Variants in LHFPL2 observed in about 807,000 individuals in gnomAD.
LHFPL2 encodes the protein LHFPL tetraspan subfamily member 2 protein.
LHFPL2 carries 7 observed loss-of-function variants against 17.5 expected under a neutral mutation model. That is an observed-to-expected ratio of 0.40 (90% confidence interval 0.23 to 0.75). The LOEUF (loss-of-function observed/expected upper bound fraction) is 0.75. LHFPL2 is among the 30% of genes least tolerant of loss of function. The pLI is 0.37. For synonymous variants in LHFPL2, 134 were observed against 116.2 expected (o/e 1.15, Z -0.99); for missense variants, 241 against 294.8 (o/e 0.82, Z 1.34).
At chr5:78,560,126 A>G (rs1404517249) in intron 3 of LHFPL2, among the ~76,000 whole-genome samples, 1 of 152,230 alleles carries the variant, frequency 6.6e-6, no homozygotes, top group East Asian at 1.9e-4. Context: ...GACAGAGAAT[A>G]GCTATCCTCA....
intron 1 of LHFPL2, among the ~76,000 whole-genome samples, chr5:78,635,699 A>C (rs1338662186): frequency 6.6e-6 from 1 of 152,200 alleles, no homozygotes; most frequent in Non-Finnish European, 1.5e-5. Flanking sequence ...GCTACTTGGG[A>C]GGCTGAGGCA....
At position 78,621,037 on chromosome 5, in the gene LHFPL2, G is replaced by A. The variant is rs545178308; in HGVS notation, c.-245+11227C>T. Among the ~76,000 whole-genome samples the A allele has an allele frequency of 2.7e-5, 4 of 149,600 alleles. No individual in the cohort carries two copies. The South Asian group carries it at 6.4e-4, about 24-fold the overall frequency. On this transcript the variant is annotated intron_variant, in intron 2 of 4. Transcript: ENST00000380345. ...GGCTGGAGTGTAGTGGCTCGATCTCGGCTCACTGCAACCTCTGCCTCCCAG... is the reference window on the plus strand; with the variant it reads ...GGCTGGAGTGTAGTGGCTCGATCTCAGCTCACTGCAACCTCTGCCTCCCAG...
At chr5:78,645,293 C>T (rs963497305) in intron 1 of LHFPL2, among the ~76,000 whole-genome samples, 1 of 151,464 alleles carries the variant, frequency 6.6e-6, no homozygotes, top group Non-Finnish European at 1.5e-5. Flanking sequence ...GAGTAGAGGC[C>T]TACTCTTGGT....
chr5:78,514,048 T>C (rs1001211371), intron 3 of LHFPL2, among the ~76,000 whole-genome samples: 1 of 152,154 alleles, frequency 6.6e-6, no homozygotes, highest in Non-Finnish European at 1.5e-5. Context: ...GACATCTGTA[T>C]CAAAGGGGAA....
At chr5:78,608,400 G>A (rs1365377749) in intron 2 of LHFPL2, among the ~76,000 whole-genome samples, 3 of 152,026 alleles carry the variant, frequency 2.0e-5, no homozygotes, top group African/African-American at 7.2e-5. Flanking sequence ...ACTAATAAAG[G>A]GCACTGTTTT....
At chr5:78,530,328 C>T (rs1419683458) in intron 3 of LHFPL2, among the ~76,000 whole-genome samples, 2 of 152,170 alleles carry the variant, frequency 1.3e-5, no homozygotes, top group African/African-American at 2.4e-5. Flanking sequence ...TTTGGTTTCA[C>T]ATATACATGT....
chr5:78,579,527 G>A (rs1290902979), intron 2 of LHFPL2, among the ~76,000 whole-genome samples: 2 of 151,720 alleles, frequency 1.3e-5, no homozygotes, highest in East Asian at 1.9e-4. Flanking sequence ...AGAGTGTGAT[G>A]TTCCCCTTCC....
At chr5:78,627,017 G>A (rs1745064849) in intron 2 of LHFPL2, among the ~76,000 whole-genome samples, 2 of 152,004 alleles carry the variant, frequency 1.3e-5, no homozygotes, top group African/African-American at 2.4e-5. Flanking sequence ...GGAGGCAGAG[G>A]TTGCAGTGAG....
At chr5:78,562,604 C>T (rs1808053) in intron 3 of LHFPL2, among the ~76,000 whole-genome samples, 50,652 of 146,922 alleles carry the variant, frequency 0.34, 10,295 homozygotes, top group Middle Eastern at 0.48. Context: ...CACTGCACTC[C>T]AGCCTGAGTG....
rs1754241440 is a variant in LHFPL2 at position 78,486,386 on chromosome 5, ATT to A, written c.*2509_*2510del. 1 of 152,196 alleles carries A rather than the reference ATT, an allele frequency of 6.6e-6. No homozygotes were observed. The highest frequency in any genetic ancestry group is 2.4e-5 in the African/African-American group (1 of 41,440). The allele number at this position is 152,196 out of a possible 1,614,324, so 9.4% of individuals were successfully genotyped here. ...CTTTCCTGGTAGTAATAATGGTCCT[ATT>A]TATTAGAAAAATAAGTGTGAGCCAA... On this transcript the variant is annotated 3_prime_UTR_variant, in exon 5 of 5. Coordinates refer to ENST00000380345, the MANE Select transcript of LHFPL2 (RefSeq NM_005779.3).
At chr5:78,554,158 T>C (rs992314807) in intron 3 of LHFPL2, among the ~76,000 whole-genome samples, 2 of 152,266 alleles carry the variant, frequency 1.3e-5, no homozygotes, top group Non-Finnish European at 2.9e-5. Flanking sequence ...TGTCTATCAG[T>C]GTTGAAAACT....
At chr5:78,599,623 A>G (rs1214781865) in intron 2 of LHFPL2, among the ~76,000 whole-genome samples, 1 of 151,974 alleles carries the variant, frequency 6.6e-6, no homozygotes, top group South Asian at 2.1e-4. Flanking sequence ...TCTACCAGGT[A>G]GAGCATTATT....
At chr5:78,516,502 A>T (rs1183058434) in intron 3 of LHFPL2, among the ~76,000 whole-genome samples, 1 of 152,110 alleles carries the variant, frequency 6.6e-6, no homozygotes, top group Non-Finnish European at 1.5e-5. Context: ...GCGCTGTCAA[A>T]CAAAAATTAC....
intron 2 of LHFPL2, among the ~76,000 whole-genome samples, chr5:78,580,983 A>G (rs2112442610): frequency 1.3e-5 from 2 of 152,292 alleles, no homozygotes; most frequent in African/African-American, 2.4e-5. Context: ...CCGTGAGCAT[A>G]GAATGTTCTT....
At chr5:78,516,692 T>C (rs1004060975) in intron 3 of LHFPL2, among the ~76,000 whole-genome samples, 6 of 152,180 alleles carry the variant, frequency 3.9e-5, no homozygotes, top group African/African-American at 1.4e-4. Flanking sequence ...AAATTAAATA[T>C]ATTTTTAGTT....
intron 4 of LHFPL2, among the ~76,000 whole-genome samples, chr5:78,508,328 TGTG>T (rs1253447718): frequency 6.6e-6 from 1 of 152,106 alleles, no homozygotes; most frequent in African/African-American, 2.4e-5. Flanking sequence ...CTGAGTCACT[TGTG>T]GTGTGGCTGA....
intron 4 of LHFPL2, among the ~76,000 whole-genome samples, chr5:78,489,743 G>GTAAAC (rs1410696058): frequency 6.6e-6 from 1 of 152,222 alleles, no homozygotes; most frequent in Non-Finnish European, 1.5e-5. Context: ...GCAGATGTTG[G>GTAAAC]TAAACTAAGG....
rs551001789 is a variant in LHFPL2 at position 78,603,237 on chromosome 5, C to T, written c.-245+29027G>A. ...TTTAGCAAGATGGAAACTGAGGCTC[C>T]GCAGGGTTAAGTAACTGACTTGGAT... On this transcript the variant is annotated intron_variant, in intron 2 of 4. Transcript: ENST00000380345. Among the ~76,000 whole-genome samples the T allele has an allele frequency of 1.7e-4, 26 of 152,176 alleles. 1 individual carries two copies. The South Asian group carries it at 3.7e-3, about 22-fold the overall frequency.
At chr5:78,561,488 G>A (rs1756724854) in intron 3 of LHFPL2, among the ~76,000 whole-genome samples, 1 of 152,232 alleles carries the variant, frequency 6.6e-6, no homozygotes, top group Non-Finnish European at 1.5e-5. Context: ...AACTCCCAGT[G>A]CTGCGTTCGC....
Sources: allele counts gnomAD v4.1 joint callset (sites outside exome capture counted in the v4.1 genomes callset), GRCh38; gene constraint gnomAD v4.1.1; transcripts MANE v1.5; gene names NCBI Gene and HGNC (gene_info 2026-07-23, HGNC 2026-07-21).